GSK3B: variants seen among roughly 807,000 people sequenced by gnomAD.
GSK3B encodes glycogen synthase kinase 3 beta.
In GSK3B, 15 loss-of-function variants were observed where a neutral mutation model predicts 56.4. The observed-to-expected ratio is 0.27, with a 90% confidence interval of 0.18 to 0.41. The LOEUF (loss-of-function observed/expected upper bound fraction) is 0.41. GSK3B is among the 10% of genes least tolerant of loss of function. The pLI, the probability that GSK3B is intolerant of heterozygous loss-of-function variation, is 1.00. For synonymous variants in GSK3B, 181 were observed against 188.9 expected (o/e 0.96, Z 0.34); for missense variants, 300 against 513.4 (o/e 0.58, Z 4.02).
chr3:119,947,149 A>T (rs1415567361), intron 3 of GSK3B, 119 bp downstream of exon 3: 4 of 667,166 alleles, frequency 6.0e-6, no homozygotes, highest in Non-Finnish European at 1.1e-5. Flanking sequence ...TGCTGGGGCA[A>T]GTGTTTCGGA....
intron 10 of GSK3B, among the ~76,000 whole-genome samples, chr3:119,837,810 T>C (rs2055714112): frequency 6.7e-6 from 1 of 150,214 alleles, no homozygotes; most frequent in Non-Finnish European, 1.5e-5. Context: ...AGATGAATGG[T>C]CTCCTAAATG....
chr3:119,868,249 A>C (rs2056207700), intron 8 of GSK3B, among the ~76,000 whole-genome samples: 1 of 152,160 alleles, frequency 6.6e-6, no homozygotes, highest in Admixed American at 6.5e-5. Context: ...TCATTTTCTT[A>C]AATTGAAACA....
At chr3:120,029,417 A>C (rs1270021478) in intron 1 of GSK3B, 1 of 745,276 alleles carries the variant, frequency 1.3e-6, no homozygotes, top group East Asian at 2.5e-5. Flanking sequence ...CAAATATCTT[A>C]TGTTTTGTGG....
At chr3:119,981,700 C>G (rs1045806433) in intron 2 of GSK3B, among the ~76,000 whole-genome samples, 1 of 152,270 alleles carries the variant, frequency 6.6e-6, no homozygotes, top group African/African-American at 2.4e-5. Context: ...GAAGCTCGAA[C>G]TGGGCAGAGC....
intron 1 of GSK3B, among the ~76,000 whole-genome samples, chr3:120,091,467 C>G (rs1040456986): frequency 6.6e-6 from 1 of 152,014 alleles, no homozygotes; most frequent in African/African-American, 2.4e-5. Flanking sequence ...ACCAAGAATT[C>G]AAGAGTCATT....
At chr3:120,029,068 G>A (rs1010478710) in intron 1 of GSK3B, 130 of 753,388 alleles carry the variant, frequency 1.7e-4, no homozygotes, top group Non-Finnish European at 4.3e-5. Flanking sequence ...TACAGGCTGT[G>A]CATTTGGATC....
intron 2 of GSK3B, among the ~76,000 whole-genome samples, chr3:119,978,953 G>C (rs956271016): frequency 6.6e-6 from 1 of 152,036 alleles, no homozygotes. Context: ...CTTTTGTCTG[G>C]GGATGCCTAG....
At position 119,823,082 on chromosome 3, in the gene GSK3B, A is replaced by G; in HGVS notation, c.*3706T>C. ...ATGACACAGCATGTCACTGGAAAGAAGGTGCAGTCTTCTGCCTTGCTGGAA... is the reference window on the plus strand; with the variant it reads ...ATGACACAGCATGTCACTGGAAAGAGGGTGCAGTCTTCTGCCTTGCTGGAA... On this transcript the variant is annotated 3_prime_UTR_variant, in exon 11 of 11. Coordinates refer to ENST00000264235, the MANE Select transcript of GSK3B (RefSeq NM_001146156.2). 1 of 229,498 alleles carries G rather than the reference A, an allele frequency of 4.4e-6. No individual in the cohort carries two copies. 14.2% of individuals were successfully genotyped at this position (229,498 alleles called of 1,614,324 possible).
At chr3:119,989,690 A>C (rs1265564128) in intron 2 of GSK3B, among the ~76,000 whole-genome samples, 1 of 151,960 alleles carries the variant, frequency 6.6e-6, no homozygotes, top group Non-Finnish European at 1.5e-5. Flanking sequence ...ATATCTAAAC[A>C]ACCAAACAGA....
chr3:119,888,411 T>C (rs1277503402), intron 7 of GSK3B, among the ~76,000 whole-genome samples: 2 of 152,248 alleles, frequency 1.3e-5, no homozygotes, highest in African/African-American at 2.4e-5. Context: ...ATTGTGAAGA[T>C]TTCATTTTAA....
Position 119,823,554 on chromosome 3 carries a change from C to G in GSK3B, c.*3234G>C, listed in dbSNP as rs972704640. The G allele has an allele frequency of 8.6e-5, 16 of 187,080 alleles. No individual in the cohort carries two copies. Among genetic ancestry groups the G allele is most frequent in the African/African-American group, 3.7e-4 (16 of 42,708 alleles). The allele number at this position is 187,080 out of a possible 1,614,324, so 11.6% of individuals were successfully genotyped here. A position where few individuals can be genotyped will look rare whatever the true frequency, so the allele number is the denominator to read the frequency against. On this transcript the variant is annotated 3_prime_UTR_variant, in exon 11 of 11. Transcript: ENST00000264235. The stretch of plus-strand genomic sequence containing the variant: ...GAGCATGGAAGGCTCCCAGAATCTG[C>G]TGTTTTTAAGACCCATGGTTAGGGC...
In GSK3B at chr3:120,043,620, C is replaced by T. The variant is rs894959301; in HGVS notation, c.89-41381G>A. ...GATATCATCTGGACTACCAGAGATC[C>T]GGGCTGGACCTCCCCAGATGGCTGT... On this transcript the variant is annotated intron_variant, in intron 1 of 10. Transcript: ENST00000264235. Among the ~76,000 whole-genome samples, 6 of 152,154 alleles carry T rather than the reference C, an allele frequency of 3.9e-5. No homozygotes were observed. In the South Asian group the frequency reaches 6.2e-4, roughly 16 times the overall value.
At chr3:120,030,073 G>GA (rs200176213) in intron 1 of GSK3B, among the ~76,000 whole-genome samples, 33 of 149,370 alleles carry the variant, frequency 2.2e-4, no homozygotes, top group East Asian at 5.9e-4. Context: ...TATCTAGTTG[G>GA]AAAAAAAAAA....
chr3:119,885,009 A>T (rs1339723642), intron 7 of GSK3B, among the ~76,000 whole-genome samples: 1 of 152,086 alleles, frequency 6.6e-6, no homozygotes, highest in Non-Finnish European at 1.5e-5. Flanking sequence ...CAGGAGAAAA[A>T]AATAAATGGC....
intron 2 of GSK3B, among the ~76,000 whole-genome samples, chr3:119,951,314 G>T (rs1024997856): frequency 2.6e-5 from 4 of 152,258 alleles, no homozygotes; most frequent in Non-Finnish European, 2.9e-5. Flanking sequence ...GCTCACGCCT[G>T]TAATCCCACC....
intron 7 of GSK3B, among the ~76,000 whole-genome samples, chr3:119,889,530 A>G (rs1253186125): frequency 1.3e-5 from 2 of 152,114 alleles, no homozygotes; most frequent in Non-Finnish European, 2.9e-5. Context: ...TAAATCCTAG[A>G]CCAACCTCTA....
At chr3:119,959,217 C>CTGCCTCTATCACCTCTTCCAGT (rs2057245546) in intron 2 of GSK3B, among the ~76,000 whole-genome samples, 1 of 152,174 alleles carries the variant, frequency 6.6e-6, no homozygotes. Flanking sequence ...CCTCTTTCAG[C>CTGCCTCTATCACCTCTTCCAGT]TGCCTCTATC....
chr3:119,824,075 A>G lies in GSK3B; in HGVS notation c.*2713T>C, dbSNP rs982465868. Reference sequence around the variant, plus strand: ...CTCGTCTACATTTTGTCTGATTATTAAACAGAATCACTGCCCTGAACAGTA... The same window carrying G: ...CTCGTCTACATTTTGTCTGATTATTGAACAGAATCACTGCCCTGAACAGTA... On this transcript the variant is annotated 3_prime_UTR_variant, in exon 11 of 11. Transcript: ENST00000264235. The G allele has an allele frequency of 2.0e-5, 4 of 202,958 alleles. No individual in the cohort carries two copies. The highest frequency in any genetic ancestry group is 4.1e-5 in the Non-Finnish European group (4 of 98,740). The allele number at this position is 202,958 out of a possible 1,614,324, so 12.6% of individuals were successfully genotyped here. A position where few individuals can be genotyped will look rare whatever the true frequency, so the allele number is the denominator to read the frequency against.
chr3:120,077,109 T>C (rs2058373403), intron 1 of GSK3B, among the ~76,000 whole-genome samples: 1 of 152,204 alleles, frequency 6.6e-6, no homozygotes, highest in Admixed American at 6.5e-5. Flanking sequence ...GGAAACAGTA[T>C]GGAGGTTTCT....
Sources: allele counts gnomAD v4.1 joint callset (sites outside exome capture counted in the v4.1 genomes callset), GRCh38; gene constraint gnomAD v4.1.1; transcripts MANE v1.5; gene names NCBI Gene and HGNC (gene_info 2026-07-23, HGNC 2026-07-21).